CDON: variants seen among roughly 807,000 people sequenced by gnomAD.
CDON encodes cell adhesion molecule-related/down-regulated by oncogenes.
A neutral mutation model predicts 120.9 loss-of-function variants in CDON; 73 were observed. The observed-to-expected ratio is 0.60, with a 90% CI of 0.50 to 0.73. The LOEUF (loss-of-function observed/expected upper bound fraction) is 0.73, where lower values mean the gene tolerates loss of function less well. CDON is among the 30% of genes least tolerant of loss of function. The pLI, the probability that CDON is intolerant of heterozygous loss-of-function variation, is 0.00. For missense variants in CDON, 1,470 were observed against 1,587.3 expected (o/e 0.93, Z 1.26); for synonymous variants, 566 against 573.5 (o/e 0.99, Z 0.19).
At chr11:126,045,049 G>A (rs948900521) in intron 1 of CDON, among the ~76,000 whole-genome samples, 4 of 151,200 alleles carry the variant, frequency 2.6e-5, no homozygotes, top group African/African-American at 7.3e-5. Flanking sequence ...AGAGAGAGAC[G>A]GAGTCTTGCT....
intron 1 of CDON, among the ~76,000 whole-genome samples, chr11:126,050,142 C>T (rs1207779274): frequency 6.7e-6 from 1 of 149,156 alleles, no homozygotes; most frequent in African/African-American, 2.5e-5. Flanking sequence ...AGGCAAAATG[C>T]GCTTCAATGT....
At chr11:125,983,849 G>C in intron 16 of CDON, 23 bp downstream of exon 16, 1 of 1,533,462 alleles carries the variant, frequency 6.5e-7, no homozygotes, top group Non-Finnish European at 9.0e-7. Flanking sequence ...AAAAAGAGAA[G>C]GAGATATTTA....
intron 1 of CDON, among the ~76,000 whole-genome samples, chr11:126,051,017 AT>A (rs112986438): frequency 3.0e-3 from 454 of 149,796 alleles, no homozygotes; most frequent in Middle Eastern, 0.017. Flanking sequence ...CTCGATGTAA[AT>A]TTTTTTTTTT....
At chr11:126,062,975 G>A (rs906887718), upstream of CDON, among the ~76,000 whole-genome samples, 22 of 151,866 alleles carry the variant, frequency 1.4e-4, no homozygotes, top group Non-Finnish European at 2.8e-4. Context: ...AGGAGGGACC[G>A]GGGAATGACT....
At chr11:126,006,973 T>A (rs539278904) in intron 8 of CDON, among the ~76,000 whole-genome samples, 1 of 152,092 alleles carries the variant, frequency 6.6e-6, no homozygotes, top group East Asian at 1.9e-4. Flanking sequence ...AAGTGAAGGC[T>A]GCCAGAAGAA....
intron 1 of CDON, among the ~76,000 whole-genome samples, chr11:126,050,073 G>T (rs758812178): frequency 2.6e-5 from 4 of 151,922 alleles, no homozygotes; most frequent in African/African-American, 9.7e-5. Context: ...GACTTCTTTA[G>T]AAGAACTTTA....
chr11:125,971,643 T>G (rs1400441005), intron 18 of CDON, among the ~76,000 whole-genome samples: 1 of 152,168 alleles, frequency 6.6e-6, no homozygotes, highest in Non-Finnish European at 1.5e-5. Flanking sequence ...TAATTTGTAC[T>G]TTTTTTCCCA....
chr11:126,044,957 A>G (rs753802135), intron 1 of CDON, among the ~76,000 whole-genome samples: 1 of 152,220 alleles, frequency 6.6e-6, no homozygotes, highest in Non-Finnish European at 1.5e-5. Context: ...ACACACTGTT[A>G]TGCCTTCGTC....
chr11:125,993,186 G>A (rs548679354), intron 14 of CDON, among the ~76,000 whole-genome samples: 57 of 152,196 alleles, frequency 3.7e-4, no homozygotes, highest in African/African-American at 1.2e-3. Context: ...CCTGAATATC[G>A]TTAGAGATTC....
rs1330304601 is a variant in CDON, at chr11:126,004,184, T to A, written c.1852-108A>T. The A allele has an allele frequency of 3.7e-6, 4 of 1,075,048 alleles. No individual in the cohort carries two copies. In the African/African-American group the frequency reaches 6.3e-5, roughly 17 times the overall value. 66.6% of individuals were successfully genotyped at this position (1,075,048 alleles called of 1,614,324 possible). On this transcript the variant is annotated intron_variant, in intron 9 of 19. Coordinates refer to ENST00000531738, the MANE Select transcript of CDON (RefSeq NM_001378964.1). Reference sequence around the variant, plus strand: ...GATTCATTTAATTCTAGAAGAGTTTTAAGAAGTAATACAGCATGGTAAGTA... The same window carrying A: ...GATTCATTTAATTCTAGAAGAGTTTAAAGAAGTAATACAGCATGGTAAGTA...
chr11:125,992,811 T>G lies in CDON; in HGVS notation c.2650+1473A>C, dbSNP rs138933502. ...ATATGCAGTATTTCATGTCAAGAAG[T>G]CATATGGAAAATAACCTTGGCCTAT... On this transcript the variant is annotated intron_variant, in intron 14 of 19. Coordinates refer to ENST00000531738, the MANE Select transcript of CDON (RefSeq NM_001378964.1). Among the ~76,000 whole-genome samples, 1,260 of 152,280 alleles carry G rather than the reference T, an allele frequency of 8.3e-3. 71 individuals carry two copies. Among genetic ancestry groups the G allele is most frequent in the Admixed American group, 0.073 (1,121 of 15,292 alleles).
Position 126,010,456 on chromosome 11 carries a change from T to C in CDON, c.1437A>G (p.Gln479=). 1 of 1,614,144 alleles carries C rather than the reference T, an allele frequency of 6.2e-7. No homozygotes were observed. Residue 479 remains glutamine (Q), a synonymous_variant, in exon 8 of 20, where the codon CAA becomes CAG. Transcript: ENST00000531738. ...NLEPVYFVLS[Q]AGASSLHIQA... ...GAATATGGAGAGAGCTTGCACCAGCTTGGGACAGGACGAAGTACACAGGCT... is the reference window on the plus strand; with the variant it reads ...GAATATGGAGAGAGCTTGCACCAGCCTGGGACAGGACGAAGTACACAGGCT...
intron 18 of CDON, among the ~76,000 whole-genome samples, chr11:125,965,390 G>C (rs951006226): frequency 9.2e-5 from 14 of 152,126 alleles, no homozygotes; most frequent in Non-Finnish European, 8.8e-5. Context: ...AGTACTCGAG[G>C]GGCTGAGATT....
chr11:126,018,451 T>C lies in CDON; in HGVS notation c.519A>G (p.Ser173=). 6.2e-7 allele frequency: 1 copy of C among 1,613,932 alleles called. No individual in the cohort carries two copies. Among genetic ancestry groups the C allele is most frequent in the Non-Finnish European group, 8.5e-7 (1 of 1,179,822 alleles). Residue 173 remains serine (S), a synonymous_variant, in exon 5 of 20, where the codon TCA becomes TCG. Coordinates refer to ENST00000531738, the MANE Select transcript of CDON (RefSeq NM_001378964.1). The stretch of plus-strand genomic sequence containing the variant: ...ATACATTCAAAATCTGAAGATTTCC[T>C]GATGGAAGGATTAAGTAATTCTCTG... The part of the protein sequence containing the change: ...HSTENYLILP[S]GNLQILNVSL...
At chr11:126,042,779 G>A (rs553377688) in intron 1 of CDON, among the ~76,000 whole-genome samples, 1 of 152,280 alleles carries the variant, frequency 6.6e-6, no homozygotes, top group East Asian at 1.9e-4. Flanking sequence ...ACGCTGCCAT[G>A]CTCGGCTTCT....
At chr11:125,978,263 C>T (rs898153357) in intron 18 of CDON, 41 bp downstream of exon 18, 12 of 1,070,218 alleles carry the variant, frequency 1.1e-5, no homozygotes, top group Non-Finnish European at 1.6e-5. Flanking sequence ...GATGCATATG[C>T]CTTATTCACA....
intron 9 of CDON, chr11:126,005,266 C>T (rs988735282): frequency 7.0e-5 from 13 of 185,554 alleles, no homozygotes; most frequent in Admixed American, 5.7e-5. Context: ...CACACCACTG[C>T]ACTGTGGCCT....
chr11:125,994,828 A>G (rs1946733000), intron 13 of CDON, 43 bp downstream of exon 13: 1 of 1,555,768 alleles, frequency 6.4e-7, no homozygotes. Flanking sequence ...GATTGTTAAC[A>G]TGACCAAACC....
chr11:126,015,182 C>A, intron 7 of CDON, 59 bp downstream of exon 7: 3 of 1,503,542 alleles, frequency 2.0e-6, no homozygotes, highest in Non-Finnish European at 2.8e-6. Context: ...TTTTTGACCA[C>A]AACAAAAGCC....
Sources: allele counts gnomAD v4.1 joint callset (sites outside exome capture counted in the v4.1 genomes callset), GRCh38; gene constraint gnomAD v4.1.1; transcripts MANE v1.5; gene names NCBI Gene and HGNC (gene_info 2026-07-23, HGNC 2026-07-21).